Variants in LGI1 observed in about 807,000 individuals in gnomAD.
The protein encoded by LGI1 is leucine rich glioma inactivated 1.
Under a neutral mutation model 57.7 loss-of-function variants are expected in LGI1, and 11 were observed. The observed-to-expected ratio is 0.19, with a 90% confidence interval of 0.12 to 0.32. The LOEUF (loss-of-function observed/expected upper bound fraction) is 0.32. Among genes scored for constraint, LGI1 ranks in the 10% least tolerant of loss-of-function variants. The pLI is 1.00. For missense variants in LGI1, 422 were observed against 661.9 expected, an observed-to-expected ratio of 0.64 and a Z score of 3.98; for synonymous variants, 222 against 241.9, an observed-to-expected ratio of 0.92 and a Z score of 0.76.
Position 93,777,534 on chromosome 10 carries a change from A to G in LGI1, c.360-12A>G. Reference sequence around the variant, plus strand: ...GTAACTGTTTGACAAAAAATATTATAACTTATTGCAGATTCATAGAAAACA... The same window carrying G: ...GTAACTGTTTGACAAAAAATATTATGACTTATTGCAGATTCATAGAAAACA... On this transcript the variant is annotated splice_polypyrimidine_tract_variant and intron_variant, in intron 3 of 7. Coordinates refer to ENST00000371418, the MANE Select transcript of LGI1 (RefSeq NM_005097.4). 6.2e-7 allele frequency: 1 copy of G among 1,612,508 alleles called. No individual in the cohort carries two copies. The highest frequency in any genetic ancestry group is 8.5e-7 in the Non-Finnish European group (1 of 1,178,576).
chr10:93,758,898 T>C lies in LGI1; in HGVS notation c.287+67T>C, dbSNP rs894954489. ...TATTTGGATAAGCCTTCTAGTAAAATGATCTCAATATTAATTTTGTCAAAT... is the reference window on the plus strand; with the variant it reads ...TATTTGGATAAGCCTTCTAGTAAAACGATCTCAATATTAATTTTGTCAAAT... On this transcript the variant is annotated intron_variant, in intron 2 of 7. Transcript: ENST00000371418. The surrounding 1 kb of genome is among the most constrained non-coding windows in gnomAD (Gnocchi z 4.7). 1 of 1,101,312 alleles carries C rather than the reference T, an allele frequency of 9.1e-7. No homozygotes were observed. Among genetic ancestry groups the C allele is most frequent in the African/African-American group, 1.5e-5 (1 of 64,694 alleles). 68.2% of individuals were successfully genotyped at this position (1,101,312 alleles called of 1,614,324 possible).
chr10:93,765,056 A>G (rs2059660340), intron 2 of LGI1: 1 of 152,356 alleles, frequency 6.6e-6, no homozygotes, highest in Admixed American at 6.5e-5. Flanking sequence ...TTTGTAAAAC[A>G]TGCCAGATTT....
At chr10:93,766,727 T>A in intron 2 of LGI1, 1 of 151,972 alleles carries the variant, frequency 6.6e-6, no homozygotes, top group Admixed American at 6.6e-5. Context: ...CAGGATGGTC[T>A]CGATTTACTG....
intron 4 of LGI1, among the ~76,000 whole-genome samples, chr10:93,783,297 A>G (rs182954155): frequency 0.027 from 4,055 of 152,214 alleles, 197 homozygotes; most frequent in African/African-American, 0.092. Context: ...AATGGCGTGA[A>G]CCCGGGAGGT....
chr10:93,779,968 C>T (rs1192405401), intron 4 of LGI1, among the ~76,000 whole-genome samples: 1 of 152,166 alleles, frequency 6.6e-6, no homozygotes, highest in Non-Finnish European at 1.5e-5. Flanking sequence ...CAATGTTAGG[C>T]TGTTTTTTAT....
At chr10:93,779,730 G>C (rs892100506) in intron 4 of LGI1, among the ~76,000 whole-genome samples, 1 of 152,136 alleles carries the variant, frequency 6.6e-6, no homozygotes, top group Non-Finnish European at 1.5e-5. Flanking sequence ...TACAGAACAC[G>C]CTTAACATTC....
rs1005433793 is a variant in LGI1 at position 93,779,397 on chromosome 10, AGAAG to A, written c.431+1795_431+1798del. Among the ~76,000 whole-genome samples, 10 of 128,262 alleles carry A rather than the reference AGAAG, an allele frequency of 7.8e-5. No individual in the cohort carries two copies. The South Asian group carries it at 8.6e-4, about 11-fold the overall frequency. 84.1% of individuals were successfully genotyped at this position (128,262 alleles called of 152,430 possible). On this transcript the variant is annotated intron_variant, in intron 4 of 7. Coordinates refer to ENST00000371418, the MANE Select transcript of LGI1 (RefSeq NM_005097.4). ...TGGAAGGAAGGAGGGAAGGAAAGAA[AGAAG>A]GAAGGAAGGAAGGAGGGAGGGAGCG... is the stretch of plus-strand genomic sequence containing the variant.
intron 2 of LGI1, among the ~76,000 whole-genome samples, chr10:93,761,414 AG>A (rs1428484754): frequency 6.6e-6 from 1 of 152,246 alleles, no homozygotes; most frequent in East Asian, 1.9e-4. Context: ...GTAGGAAGAC[AG>A]TTCGTTGGTT....
rs12262635 is a variant in LGI1, at chr10:93,790,213, A to G, written c.503+43A>G. 2.7e-6 allele frequency: 4 copies of G among 1,466,774 alleles called. No homozygotes were observed. The African/African-American group carries it at 5.6e-5, about 21-fold the overall frequency. The allele number at this position is 1,466,774 out of a possible 1,614,324, so 90.9% of individuals were successfully genotyped here. A position where few individuals can be genotyped will look rare whatever the true frequency, so the allele number is the denominator to read the frequency against. The stretch of plus-strand genomic sequence containing the variant: ...ATCACTGAACAATTAATTAATTTGC[A>G]GTCATTAACAAGGAAGCCTGGTATT... On this transcript the variant is annotated intron_variant, in intron 5 of 7. Transcript: ENST00000371418.
chr10:93,765,559 G>A (rs1046509088), intron 2 of LGI1: 14 of 152,190 alleles, frequency 9.2e-5, no homozygotes, highest in African/African-American at 3.4e-4. Context: ...ACAAATATAA[G>A]TTGGCATTTT....
At chr10:93,764,778 T>C (rs1050284135) in intron 2 of LGI1, 3 of 152,230 alleles carry the variant, frequency 2.0e-5, no homozygotes, top group African/African-American at 7.2e-5. Flanking sequence ...TTCCTGTAAC[T>C]CAATACACAT....
At chr10:93,763,146 G>A (rs935672346) in intron 2 of LGI1, 2 of 152,242 alleles carry the variant, frequency 1.3e-5, no homozygotes, top group African/African-American at 4.8e-5. Context: ...TGCCTTTCCT[G>A]AGACACAGCT....
chr10:93,780,804 G>A (rs2059840716), intron 4 of LGI1, among the ~76,000 whole-genome samples: 1 of 152,146 alleles, frequency 6.6e-6, no homozygotes, highest in Non-Finnish European at 1.5e-5. Flanking sequence ...GATTTGAGGA[G>A]AAAATATGAC....
Position 93,758,868 on chromosome 10 carries a change from G to T in LGI1, c.287+37G>T. The T allele has an allele frequency of 7.3e-7, 1 of 1,368,500 alleles. No individual in the cohort carries two copies. Among genetic ancestry groups the T allele is most frequent in the Non-Finnish European group, 1.0e-6 (1 of 957,828 alleles). 84.8% of individuals were successfully genotyped at this position (1,368,500 alleles called of 1,614,324 possible). ...TTATATCATGACTATTTTTAATATG[G>T]CATATATTTGGATAAGCCTTCTAGT... is the stretch of plus-strand genomic sequence containing the variant. On this transcript the variant is annotated intron_variant, in intron 2 of 7. Coordinates refer to ENST00000371418, the MANE Select transcript of LGI1 (RefSeq NM_005097.4). This position sits in a 1 kb window ranked among gnomAD's most constrained non-coding sequence, Gnocchi z 4.7.
chr10:93,775,482 G>A (rs1490323219), intron 2 of LGI1, among the ~76,000 whole-genome samples: 2 of 152,156 alleles, frequency 1.3e-5, no homozygotes, highest in African/African-American at 4.8e-5. Flanking sequence ...ACAAATAAGG[G>A]CAAATTCCTG....
intron 2 of LGI1, among the ~76,000 whole-genome samples, chr10:93,759,474 C>CA (rs912724834): frequency 1.2e-4 from 18 of 152,122 alleles, no homozygotes; most frequent in East Asian, 9.6e-4. Flanking sequence ...TGAAAATATT[C>CA]AAAAAAATAA....
intron 2 of LGI1, chr10:93,759,137 G>C: frequency 2.5e-6 from 1 of 394,362 alleles, no homozygotes; most frequent in South Asian, 2.3e-5. Flanking sequence ...TTTAACTTGG[G>C]AACTTGGGTT....
At chr10:93,774,262 G>T (rs148716896) in intron 2 of LGI1, among the ~76,000 whole-genome samples, 1 of 152,030 alleles carries the variant, frequency 6.6e-6, no homozygotes, top group African/African-American at 2.4e-5. Context: ...GACACCCCAC[G>T]TTTAGAATTT....
At chr10:93,770,263 C>G (rs184007649) in intron 2 of LGI1, 1 of 152,370 alleles carries the variant, frequency 6.6e-6, no homozygotes, top group East Asian at 1.9e-4. Context: ...AAGGTATGGT[C>G]AAATTTATAT....
Sources: allele counts gnomAD v4.1 joint callset (sites outside exome capture counted in the v4.1 genomes callset), GRCh38; gene constraint gnomAD v4.1.1; non-coding constraint Gnocchi (gnomAD v3.1); transcripts MANE v1.5; gene names NCBI Gene and HGNC (gene_info 2026-07-23, HGNC 2026-07-21).